Variants in AGBL4 observed in about 807,000 individuals in gnomAD.
The protein encoded by AGBL4 is cytosolic carboxypeptidase 6.
Under a neutral mutation model 66.4 loss-of-function variants are expected in AGBL4, and 58 were observed. The ratio of observed to expected loss-of-function variants is 0.87; its 90% CI spans 0.71 to 1.09. The LOEUF is 1.09. Among genes scored for constraint, AGBL4 ranks in the 50% least tolerant of loss-of-function variants. AGBL4 has a pLI of 0.00. For missense variants in AGBL4, 579 were observed against 631.0 expected (o/e 0.92, Z 0.88); for synonymous variants, 234 against 222.9 (o/e 1.05, Z -0.44).
At chr1:48,689,532 A>G (rs1428555517) in intron 6 of AGBL4, among the ~76,000 whole-genome samples, 1 of 120,214 alleles carries the variant, frequency 8.3e-6, no homozygotes, top group Non-Finnish European at 1.7e-5. Flanking sequence ...TCCTTTCTTT[A>G]TTTTAACAAG....
chr1:48,697,593 G>C (rs572910210), intron 6 of AGBL4, among the ~76,000 whole-genome samples: 1 of 152,212 alleles, frequency 6.6e-6, no homozygotes, highest in South Asian at 2.1e-4. Context: ...AACTAATCCA[G>C]ATGAATGGAT....
chr1:48,847,767 A>T (rs1646952997), intron 6 of AGBL4, among the ~76,000 whole-genome samples: 1 of 152,170 alleles, frequency 6.6e-6, no homozygotes, highest in Non-Finnish European at 1.5e-5. Context: ...GGTTGAATTA[A>T]ACTTAGTTCA....
intron 3 of AGBL4, among the ~76,000 whole-genome samples, chr1:49,329,508 A>C (rs1051137229): frequency 6.6e-6 from 1 of 152,044 alleles, no homozygotes; most frequent in African/African-American, 2.4e-5. Context: ...TCTTCTGAAA[A>C]TACAAAAATT....
rs565931767 is a variant in AGBL4 at position 49,766,338 on chromosome 1, T to A, written c.158-68901A>T. ...CTAAGAATTTCATATCCTGCCAAAC[T>A]AAGCTTATAAGTGAAGGAGAAATAA... On this transcript the variant is annotated intron_variant, in intron 2 of 13. Transcript: ENST00000371839. Among the ~76,000 whole-genome samples the A allele has an allele frequency of 1.1e-3, 160 of 152,250 alleles. 1 individual carries two copies. The South Asian group carries it at 0.033, about 31-fold the overall frequency.
rs114507925 is a variant in AGBL4 at position 49,221,046 on chromosome 1, C to T, written c.377+24724G>A. The stretch of plus-strand genomic sequence containing the variant: ...TTCCTGGTCTCCAATAGCTCACAAT[C>T]AGAAATAAGGTGCTCAGTAAATTAA... On this transcript the variant is annotated intron_variant, in intron 4 of 13. Transcript: ENST00000371839. Among the ~76,000 whole-genome samples the T allele has an allele frequency of 7.3e-3, 1,105 of 152,142 alleles. 17 individuals are homozygous for T. Among genetic ancestry groups the T allele is most frequent in the African/African-American group, 0.026 (1,070 of 41,532 alleles).
At chr1:48,574,174 C>T (rs1644612591) in intron 11 of AGBL4, among the ~76,000 whole-genome samples, 1 of 152,290 alleles carries the variant, frequency 6.6e-6, no homozygotes, top group African/African-American at 2.4e-5. Flanking sequence ...TCAGAAGAAA[C>T]AAGTTCAAGC....
At chr1:49,645,532 A>G (rs1645867581) in intron 3 of AGBL4, among the ~76,000 whole-genome samples, 1 of 151,576 alleles carries the variant, frequency 6.6e-6, no homozygotes, top group Non-Finnish European at 1.5e-5. Flanking sequence ...TATTCTTAGA[A>G]GACTGAATTC....
intron 2 of AGBL4, among the ~76,000 whole-genome samples, chr1:49,710,782 C>T (rs1356888519): frequency 6.6e-6 from 1 of 151,548 alleles, no homozygotes. Context: ...CTCTGAAAGG[C>T]AGTATTAAGA....
chr1:49,570,873 T>G (rs1275753195), intron 3 of AGBL4, among the ~76,000 whole-genome samples: 1 of 152,126 alleles, frequency 6.6e-6, no homozygotes, highest in African/African-American at 2.4e-5. Flanking sequence ...TTTTGTCAAC[T>G]TTTTCAAAGA....
At chr1:48,721,906 G>A (rs1454816348) in intron 6 of AGBL4, among the ~76,000 whole-genome samples, 3 of 152,186 alleles carry the variant, frequency 2.0e-5, no homozygotes, top group Non-Finnish European at 4.4e-5. Context: ...TTTAATGAGT[G>A]TGCACTATAT....
chr1:49,146,668 T>C (rs752817582), intron 4 of AGBL4, among the ~76,000 whole-genome samples: 9 of 152,216 alleles, frequency 5.9e-5, no homozygotes, highest in Non-Finnish European at 1.0e-4. Context: ...GATATACTTG[T>C]CATACATGCA....
At chr1:48,554,693 G>A (rs544768655) in intron 11 of AGBL4, among the ~76,000 whole-genome samples, 10 of 151,976 alleles carry the variant, frequency 6.6e-5, no homozygotes, top group South Asian at 6.2e-4. Context: ...TGATGACCAC[G>A]GACTATTTTC....
At chr1:49,401,505 C>A (rs531202100) in intron 3 of AGBL4, among the ~76,000 whole-genome samples, 1 of 152,088 alleles carries the variant, frequency 6.6e-6, no homozygotes, top group Non-Finnish European at 1.5e-5. Flanking sequence ...TGTATACCTG[C>A]GATAATTCCT....
chr1:49,052,645 G>A (rs1644240885), intron 4 of AGBL4, among the ~76,000 whole-genome samples: 1 of 152,122 alleles, frequency 6.6e-6, no homozygotes, highest in Non-Finnish European at 1.5e-5. Flanking sequence ...TAGCTGAAAT[G>A]GGTCAGGTTT....
At chr1:48,776,917 T>A in intron 6 of AGBL4, 1 of 358,490 alleles carries the variant, frequency 2.8e-6, no homozygotes, top group Non-Finnish European at 5.0e-6. Context: ...GGCGCGAGTC[T>A]CGCTACGGTG....
At chr1:48,932,394 G>T (rs948573492) in intron 5 of AGBL4, among the ~76,000 whole-genome samples, 3 of 152,182 alleles carry the variant, frequency 2.0e-5, no homozygotes, top group African/African-American at 4.8e-5. Flanking sequence ...CCCAGGAAAG[G>T]AAAGATGCTG....
intron 3 of AGBL4, among the ~76,000 whole-genome samples, chr1:49,422,741 A>C (rs1351124537): frequency 1.3e-5 from 2 of 152,116 alleles, no homozygotes; most frequent in Non-Finnish European, 2.9e-5. Context: ...AAATCAGTTT[A>C]AGTGTCACTT....
intron 3 of AGBL4, among the ~76,000 whole-genome samples, chr1:49,615,655 G>T (rs1293288781): frequency 2.6e-5 from 4 of 152,088 alleles, no homozygotes; most frequent in Non-Finnish European, 5.9e-5. Context: ...GGATAAAAGA[G>T]TCATAGCCGA....
chr1:50,010,350 T>C (rs1249901794), intron 1 of AGBL4, among the ~76,000 whole-genome samples: 1 of 151,930 alleles, frequency 6.6e-6, no homozygotes, highest in Non-Finnish European at 1.5e-5. Context: ...AGAATCAATA[T>C]TGTTAAAATG....
Sources: allele counts gnomAD v4.1 joint callset (sites outside exome capture counted in the v4.1 genomes callset), GRCh38; gene constraint gnomAD v4.1.1; transcripts MANE v1.5; gene names NCBI Gene and HGNC (gene_info 2026-07-23, HGNC 2026-07-21).